The following DPH6 variants were observed in gnomAD, a reference collection of about 807,000 sequenced individuals.
The protein encoded by DPH6 is diphthine--ammonia ligase.
DPH6 carries 33 observed loss-of-function variants against 38.2 expected under a neutral mutation model. The ratio of observed to expected loss-of-function variants is 0.86; its 90% confidence interval spans 0.65 to 1.15. DPH6 has a LOEUF of 1.15. Ranked by LOEUF, DPH6 falls within the 50% of genes most tolerant of loss-of-function variation. The pLI is 0.00. For missense variants in DPH6, 325 were observed against 320.0 expected (o/e 1.02, Z -0.12); for synonymous variants, 108 against 103.0 (o/e 1.05, Z -0.30).
chr15:35,230,747 C>G lies in DPH6; in HGVS notation n.201-10165G>C, dbSNP rs145439611. ...TGATGAATCCTGCCAGGACTGAGCC[C>G]TTCCCTTTAAAGCAGCAGATTTCCT... is the stretch of plus-strand genomic sequence containing the variant. On this transcript the variant is annotated intron_variant and non_coding_transcript_variant, in intron 3 of 3. Coordinates refer to the DPH6 transcript ENST00000560386. 4.3e-3 allele frequency among the ~76,000 whole-genome samples: 652 copies of G among 152,268 alleles called. 6 individuals carry two copies. Among genetic ancestry groups the G allele is most frequent in the African/African-American group, 0.015 (616 of 41,556 alleles).
At chr15:35,167,720 C>CA in the DPH6 span, among the ~76,000 whole-genome samples, 2 of 151,964 alleles carry the variant, frequency 1.3e-5, no homozygotes, top group Non-Finnish European at 2.9e-5. Context: ...AGCCTTGCTT[C>CA]AAATTCAGAA....
At chr15:35,205,124 C>T in the DPH6 span, among the ~76,000 whole-genome samples, 10 of 151,990 alleles carry the variant, frequency 6.6e-5, no homozygotes, top group Admixed American at 4.6e-4. Flanking sequence ...AAATACACGT[C>T]TTTTATATTA....
chr15:35,447,034 A>G (rs962519217), intron 5 of DPH6, among the ~76,000 whole-genome samples: 1 of 151,970 alleles, frequency 6.6e-6, no homozygotes, highest in Middle Eastern at 3.4e-3. Context: ...ACGCATGGCT[A>G]ATTTTTTTGT....
At chr15:35,438,590 G>A (rs2053746643) in intron 5 of DPH6, among the ~76,000 whole-genome samples, 2 of 152,156 alleles carry the variant, frequency 1.3e-5, no homozygotes, top group Admixed American at 1.3e-4. Context: ...TTAGGAGATT[G>A]GCAAACAGAA....
chr15:35,401,666 C>T (rs1301710784), intron 6 of DPH6: 8 of 748,956 alleles, frequency 1.1e-5, no homozygotes, highest in Non-Finnish European at 2.0e-5. Flanking sequence ...GAAACTCTGG[C>T]TCCTATGGTG....
At chr15:35,242,008 T>G (rs2140401887) in intron 3 of DPH6, among the ~76,000 whole-genome samples, 2 of 144,312 alleles carry the variant, frequency 1.4e-5, no homozygotes, top group South Asian at 4.8e-4. Flanking sequence ...AATCCATTAT[T>G]CTGTTCTGGA....
chr15:35,525,409 T>C (rs1477494299), intron 3 of DPH6, among the ~76,000 whole-genome samples: 2 of 152,168 alleles, frequency 1.3e-5, no homozygotes, highest in African/African-American at 2.4e-5. Context: ...ATGCACAGCA[T>C]ACTCGTCTGC....
At chr15:35,237,562 C>T (rs569011084) in intron 3 of DPH6, 3 of 1,550,062 alleles carry the variant, frequency 1.9e-6, no homozygotes, top group Non-Finnish European at 2.7e-6. Context: ...TCTCGGGGGG[C>T]GTGGAAGCAT....
intron 8 of DPH6, among the ~76,000 whole-genome samples, chr15:35,373,274 T>C (rs2052735910): frequency 1.3e-5 from 2 of 151,958 alleles, no homozygotes; most frequent in Admixed American, 1.3e-4. Flanking sequence ...TTAATGTATA[T>C]ACTATTCCCT....
chr15:35,357,193 T>G (rs1319020078), intron 3 of DPH6, among the ~76,000 whole-genome samples: 1 of 152,234 alleles, frequency 6.6e-6, no homozygotes, highest in Admixed American at 6.5e-5. Flanking sequence ...CCGCTTTCTT[T>G]GACTAGCAAA....
At chr15:35,370,563 T>C (rs1352253920), downstream of DPH6, among the ~76,000 whole-genome samples, 3 of 151,784 alleles carry the variant, frequency 2.0e-5, no homozygotes, top group Non-Finnish European at 4.4e-5. Context: ...GATACACAGA[T>C]GGCAAACAAA....
At chr15:35,179,786 C>T in the DPH6 span, among the ~76,000 whole-genome samples, 2 of 152,126 alleles carry the variant, frequency 1.3e-5, no homozygotes, top group Admixed American at 1.3e-4. Context: ...GAGACAAGAC[C>T]AGCTCTATGC....
chr15:35,521,634 T>C (rs140041754), intron 3 of DPH6: 1 of 1,230,228 alleles, frequency 8.1e-7, no homozygotes, highest in East Asian at 3.2e-5. Flanking sequence ...AATCAGGCAA[T>C]GTATTTTTAA....
intron 3 of DPH6, among the ~76,000 whole-genome samples, chr15:35,256,030 T>C (rs2140413325): frequency 6.6e-6 from 1 of 152,114 alleles, no homozygotes; most frequent in South Asian, 2.1e-4. Flanking sequence ...ATAACATATA[T>C]AAATCTTTAA....
At chr15:35,499,995 C>G (rs568622739) in intron 3 of DPH6, among the ~76,000 whole-genome samples, 1 of 152,166 alleles carries the variant, frequency 6.6e-6, no homozygotes, top group Admixed American at 6.5e-5. Context: ...TTCCACAGTG[C>G]AAAGAGGTCA....
intron 3 of DPH6, among the ~76,000 whole-genome samples, chr15:35,531,522 GGAGTACA>G (rs2055087400): frequency 6.6e-6 from 1 of 152,096 alleles, no homozygotes; most frequent in Non-Finnish European, 1.5e-5. Flanking sequence ...CCCAGGCTGT[GGAGTACA>G]GTGGTGTGAT....
chr15:35,354,973 A>T (rs2052546708), intron 3 of DPH6, among the ~76,000 whole-genome samples: 1 of 152,138 alleles, frequency 6.6e-6, no homozygotes, highest in Admixed American at 6.5e-5. Flanking sequence ...GTGCTCCTGT[A>T]TTGGGTGCAT....
chr15:35,250,597 T>C (rs1346485860), intron 3 of DPH6, among the ~76,000 whole-genome samples: 1 of 152,160 alleles, frequency 6.6e-6, no homozygotes. Context: ...ATTATCAGAA[T>C]AAAATCAGAG....
the DPH6 span, among the ~76,000 whole-genome samples, chr15:35,192,349 C>T: frequency 1.3e-5 from 2 of 152,184 alleles, no homozygotes; most frequent in Non-Finnish European, 2.9e-5. Context: ...GGCACTGTAG[C>T]TGGTACAAAG....
Sources: allele counts gnomAD v4.1 joint callset (sites outside exome capture counted in the v4.1 genomes callset), GRCh38; gene constraint gnomAD v4.1.1; transcripts MANE v1.5; gene names NCBI Gene and HGNC (gene_info 2026-07-23, HGNC 2026-07-21).